TRAPPC3L: variants seen among roughly 807,000 people sequenced by gnomAD.
TRAPPC3L encodes the protein trafficking protein particle complex subunit 3L.
A neutral mutation model predicts 23.7 loss-of-function variants in TRAPPC3L; 23 were observed. The ratio of observed to expected loss-of-function variants is 0.97; its 90% CI spans 0.70 to 1.37. The LOEUF is 1.37. Among genes scored for constraint, TRAPPC3L ranks in the 40% most tolerant of loss-of-function variants. The probability of loss-of-function intolerance (pLI) is 0.00; values close to 1 mark genes in which losing one functional copy is unlikely to be tolerated. For synonymous variants in TRAPPC3L, 81 were observed against 77.9 expected, an observed-to-expected ratio of 1.04 and a Z score of -0.21; for missense variants, 212 against 216.8, an observed-to-expected ratio of 0.98 and a Z score of 0.14.
chr6:116,530,222 C>A (rs550305733), intron 3 of TRAPPC3L, among the ~76,000 whole-genome samples: 2 of 152,110 alleles, frequency 1.3e-5, no homozygotes, highest in African/African-American at 2.4e-5. Flanking sequence ...AACCACCCCC[C>A]CTCCTTTTTA....
chr6:116,530,408 T>C (rs1431290805), intron 3 of TRAPPC3L, among the ~76,000 whole-genome samples: 1 of 152,072 alleles, frequency 6.6e-6, no homozygotes, highest in East Asian at 1.9e-4. Flanking sequence ...GAAAAAGACT[T>C]AGAAAAAAGA....
At chr6:116,536,045 GT>G (rs1009915990) in intron 3 of TRAPPC3L, among the ~76,000 whole-genome samples, 27 of 152,242 alleles carry the variant, frequency 1.8e-4, no homozygotes, top group African/African-American at 6.5e-4. Context: ...TGCTATTAAA[GT>G]TTTTCAATAC....
intron 2 of TRAPPC3L, among the ~76,000 whole-genome samples, chr6:116,541,484 G>C (rs1287804324): frequency 1.3e-5 from 2 of 152,168 alleles, no homozygotes; most frequent in African/African-American, 2.4e-5. Context: ...GCTCTAAAAA[G>C]AGATGAAATC....
At chr6:116,527,519 C>CAAAAAAAAAAAA (rs34686241) in intron 3 of TRAPPC3L, among the ~76,000 whole-genome samples, 4 of 112,368 alleles carry the variant, frequency 3.6e-5, no homozygotes, top group Non-Finnish European at 3.5e-5. Context: ...CGTCTCAAAA[C>CAAAAAAAAAAAA]AAAAAAAAAA....
rs1357976718 is a variant in TRAPPC3L, at chr6:116,495,701, GC to G, written c.*1252del. Reference sequence around the variant, plus strand: ...TCACTATTGCCTGTTTTGGATAAAAGCCATTTTTAACTAGGGTGAGATAATA... The same window carrying G: ...TCACTATTGCCTGTTTTGGATAAAAGCATTTTTAACTAGGGTGAGATAATA... On this transcript the variant is annotated 3_prime_UTR_variant, in exon 5 of 5. Transcript: ENST00000368602. 6.6e-6 allele frequency: 1 copy of G among 152,088 alleles called. No homozygotes were observed. The highest frequency in any genetic ancestry group is 1.5e-5 in the Non-Finnish European group (1 of 68,010). The allele number at this position is 152,088 out of a possible 1,614,324, so 9.4% of individuals were successfully genotyped here.
chr6:116,496,655 G>T lies in TRAPPC3L; in HGVS notation c.*299C>A. ...CTGCTTTTTTTTCCCATTACCATAC[G>T]TGAATGGAATGAACAGCTTCTCTGA... On this transcript the variant is annotated 3_prime_UTR_variant, in exon 5 of 5. Coordinates refer to ENST00000368602, the MANE Select transcript of TRAPPC3L (RefSeq NM_001139444.3). 2 of 248,220 alleles carry T rather than the reference G, an allele frequency of 8.1e-6. No homozygotes were observed. Among genetic ancestry groups the T allele is most frequent in the South Asian group, 8.4e-5 (1 of 11,958 alleles). 15.4% of individuals were successfully genotyped at this position (248,220 alleles called of 1,614,324 possible).
At chr6:116,513,416 T>C (rs1191509271) in intron 3 of TRAPPC3L, among the ~76,000 whole-genome samples, 1 of 152,226 alleles carries the variant, frequency 6.6e-6, no homozygotes, top group African/African-American at 2.4e-5. Flanking sequence ...ACAACTCTTA[T>C]GACAGAATGA....
intron 3 of TRAPPC3L, chr6:116,524,570 C>A (rs1249485298): frequency 6.6e-6 from 1 of 152,160 alleles, no homozygotes; most frequent in African/African-American, 2.4e-5. Context: ...GCTGAGGTGG[C>A]CACAGCCTGA....
chr6:116,500,561 CA>C lies in TRAPPC3L; in HGVS notation c.345del (p.Phe115LeufsTer42). On this transcript the variant is annotated frameshift_variant, in exon 4 of 5. Coordinates refer to ENST00000368602, the MANE Select transcript of TRAPPC3L (RefSeq NM_001139444.3). LOFTEE classifies it high-confidence loss of function. ...GATCGCCCAGCAGGGAGCTCTTCCA[CA>C]AACTCCACCAGGGGATTCTTCTCTA... ...LILEKNPLVE[F>X]VEELPAGRSS... 1 of 1,551,686 alleles carries C rather than the reference CA, an allele frequency of 6.4e-7. No homozygotes were observed. Among genetic ancestry groups the C allele is most frequent in the South Asian group, 1.2e-5 (1 of 84,064 alleles).
intron 3 of TRAPPC3L, among the ~76,000 whole-genome samples, chr6:116,534,107 C>T (rs1043955524): frequency 1.5e-5 from 2 of 131,248 alleles, no homozygotes; most frequent in African/African-American, 2.5e-5. Flanking sequence ...TTCTGTAGTG[C>T]GTTTTTTTTT....
At chr6:116,513,379 G>A (rs1772162533) in intron 3 of TRAPPC3L, among the ~76,000 whole-genome samples, 1 of 152,142 alleles carries the variant, frequency 6.6e-6, no homozygotes, top group Admixed American at 6.6e-5. Context: ...AATGTCTTGT[G>A]TCTTTTATTG....
At chr6:116,522,067 C>G (rs760191877) in intron 3 of TRAPPC3L, 2 of 152,194 alleles carry the variant, frequency 1.3e-5, no homozygotes, top group Non-Finnish European at 2.9e-5. Flanking sequence ...CTCCAATTGT[C>G]TCAGATATTC....
intron 3 of TRAPPC3L, among the ~76,000 whole-genome samples, chr6:116,528,275 T>C (rs1772509133): frequency 6.6e-6 from 1 of 152,246 alleles, no homozygotes; most frequent in African/African-American, 2.4e-5. Context: ...GGATGTGGCC[T>C]TCTGGGTTTG....
intron 3 of TRAPPC3L, among the ~76,000 whole-genome samples, chr6:116,538,170 G>T (rs1047416200): frequency 6.6e-6 from 1 of 152,200 alleles, no homozygotes. Flanking sequence ...TCTCTTCTGA[G>T]TCTCTTCAGA....
chr6:116,510,210 C>T (rs748653322), intron 3 of TRAPPC3L, among the ~76,000 whole-genome samples: 5 of 152,048 alleles, frequency 3.3e-5, no homozygotes, highest in Admixed American at 6.6e-5. Flanking sequence ...AAACAGAATG[C>T]TTGTAGAATG....
At position 116,538,734 on chromosome 6, in the gene TRAPPC3L, C is replaced by CTTTCTT. The variant is rs1554237177; in HGVS notation, c.240+1628_240+1629insAAGAAA. On this transcript the variant is annotated intron_variant, in intron 3 of 4. Transcript: ENST00000368602. The stretch of plus-strand genomic sequence containing the variant: ...AAGACAAAGTCTTAAATCTTTCTTT[C>CTTTCTT]TTTTTTTTTTTTTTTGAAACAGGGT... Among the ~76,000 whole-genome samples, 9 of 141,160 alleles carry CTTTCTT rather than the reference C, an allele frequency of 6.4e-5. No homozygotes were observed. The South Asian group carries it at 2.0e-3, about 32-fold the overall frequency. 92.6% of individuals were successfully genotyped at this position (141,160 alleles called of 152,430 possible).
rs146777192 is a variant in TRAPPC3L, at chr6:116,513,923, C to T, written c.241-13257G>A. Among the ~76,000 whole-genome samples the T allele has an allele frequency of 3.2e-3, 491 of 152,232 alleles. 12 individuals carry two copies. The highest frequency in any genetic ancestry group is 0.022 in the Admixed American group (341 of 15,280). On this transcript the variant is annotated intron_variant, in intron 3 of 4. Coordinates refer to ENST00000368602, the MANE Select transcript of TRAPPC3L (RefSeq NM_001139444.3). Reference sequence around the variant, plus strand: ...GCTATGTGACCTAGAACTAGTGGTTCGACCTCTTTGAGTCCCAGTTTTCTC... The same window carrying T: ...GCTATGTGACCTAGAACTAGTGGTTTGACCTCTTTGAGTCCCAGTTTTCTC...
chr6:116,541,577 T>G (rs1773463726), intron 2 of TRAPPC3L, among the ~76,000 whole-genome samples: 1 of 152,228 alleles, frequency 6.6e-6, no homozygotes, highest in African/African-American at 2.4e-5. Context: ...ATATCCTATT[T>G]ATATTTCTGA....
intron 1 of TRAPPC3L, chr6:116,543,802 G>A: frequency 6.5e-7 from 1 of 1,533,562 alleles, no homozygotes; most frequent in Non-Finnish European, 8.7e-7. Context: ...TCAGGCGTCT[G>A]CACAATCCCT....
Sources: allele counts gnomAD v4.1 joint callset (sites outside exome capture counted in the v4.1 genomes callset), GRCh38; gene constraint gnomAD v4.1.1; transcripts MANE v1.5; gene names NCBI Gene and HGNC (gene_info 2026-07-23, HGNC 2026-07-21).